Variants in LAMA2 observed in about 807,000 individuals in gnomAD.
LAMA2 encodes laminin subunit alpha-2.
In LAMA2, 269 loss-of-function variants were observed where a neutral mutation model predicts 364.8. That is an observed-to-expected ratio of 0.74 (90% CI 0.67 to 0.82). The LOEUF (loss-of-function observed/expected upper bound fraction) is 0.82, where lower values mean the gene tolerates loss of function less well. Among genes scored for constraint, LAMA2 ranks in the 40% least tolerant of loss-of-function variants. The pLI is 0.00. For synonymous variants in LAMA2, 1,379 were observed against 1,370.6 expected, an observed-to-expected ratio of 1.01 and a Z score of -0.14; for missense variants, 3,807 against 3,873.2, an observed-to-expected ratio of 0.98 and a Z score of 0.45.
chr6:129,381,804 A>AC (rs397771545), intron 34 of LAMA2, among the ~76,000 whole-genome samples: 1 of 151,962 alleles, frequency 6.6e-6, no homozygotes, highest in Non-Finnish European at 1.5e-5. Context: ...ACAGAAAAAA[A>AC]TTTTAATTTT....
intron 12 of LAMA2, among the ~76,000 whole-genome samples, chr6:129,232,240 T>G (rs1784710493): frequency 6.6e-6 from 1 of 152,150 alleles, no homozygotes; most frequent in Non-Finnish European, 1.5e-5. Context: ...GGAGTTTAAC[T>G]CTTACTTTTG....
At chr6:129,306,601 T>G (rs1261639260) in intron 22 of LAMA2, among the ~76,000 whole-genome samples, 1 of 151,750 alleles carries the variant, frequency 6.6e-6, no homozygotes, top group Non-Finnish European at 1.5e-5. Context: ...TTTTTGTATG[T>G]TGGGCCAATT....
rs561119275 is a variant in LAMA2 at position 129,390,223 on chromosome 6, G to A, written c.5072-1268G>A. 7.9e-5 allele frequency among the ~76,000 whole-genome samples: 12 copies of A among 152,222 alleles called. No individual in the cohort carries two copies. The East Asian group carries it at 2.3e-3, about 29-fold the overall frequency. On this transcript the variant is annotated intron_variant, in intron 35 of 64. Coordinates refer to ENST00000421865, the MANE Select transcript of LAMA2 (RefSeq NM_000426.4). ...AGGCTTGTTAAAGCCCAGATTGCTGGTCCTCACCCCCAGAATTTCTGAGTC... is the reference window on the plus strand; with the variant it reads ...AGGCTTGTTAAAGCCCAGATTGCTGATCCTCACCCCCAGAATTTCTGAGTC...
At chr6:129,313,238 G>T in intron 23 of LAMA2, 141 bp downstream of exon 23, 1 of 609,850 alleles carries the variant, frequency 1.6e-6, no homozygotes, top group Non-Finnish European at 2.9e-6. Context: ...GCCAGACATG[G>T]AGTTTTCATT....
intron 40 of LAMA2, among the ~76,000 whole-genome samples, chr6:129,418,055 C>A (rs571836367): frequency 6.6e-6 from 1 of 152,074 alleles, no homozygotes; most frequent in African/African-American, 2.4e-5. Context: ...GTTCCTGGCT[C>A]CCACCAGCTC....
chr6:129,174,385 C>T (rs930010229), intron 9 of LAMA2, among the ~76,000 whole-genome samples: 12 of 151,742 alleles, frequency 7.9e-5, no homozygotes, highest in African/African-American at 2.7e-4. Context: ...ATTTTATTTT[C>T]GGAATCTGTT....
Position 129,438,648 on chromosome 6 carries a change from A to C in LAMA2, c.5971A>C (p.Asn1991His). 1 of 1,537,746 alleles carries C rather than the reference A, an allele frequency of 6.5e-7. No individual in the cohort carries two copies. Among genetic ancestry groups the C allele is most frequent in the South Asian group, 1.1e-5 (1 of 89,576 alleles). The change falls in exon 42 of 65, where the codon AAT (asparagine) becomes CAT (histidine). Residue 1991 changes from asparagine (N) to histidine (H), a missense_variant and splice_region_variant. Physicochemically the swap from Asn to His is moderately conservative, Grantham distance 68. Around this residue, in one of 3 missense-constraint regions of LAMA2, gnomAD observed 3,333 missense variants for 3,345.7 expected, o/e 1.00. Transcript: ENST00000421865. ...TTTTTTTTGTTTTTTATTCGCAGAA[A>C]ATGAAGACCATCTAAATGGCTTAAA... ...AKKLANDVKENEDHLNGLKTR... is the reference protein window; with the variant it reads ...AKKLANDVKEHEDHLNGLKTR...
chr6:128,905,738 C>G (rs1777414296), intron 1 of LAMA2, among the ~76,000 whole-genome samples: 1 of 151,902 alleles, frequency 6.6e-6, no homozygotes, highest in South Asian at 2.1e-4. Flanking sequence ...CACCCACTAA[C>G]TCGTCATCTA....
At chr6:129,422,228 T>C (rs1317381523) in intron 40 of LAMA2, among the ~76,000 whole-genome samples, 1 of 152,010 alleles carries the variant, frequency 6.6e-6, no homozygotes, top group Admixed American at 6.6e-5. Context: ...TCTCCTTTCA[T>C]CTGAGCAAGG....
intron 1 of LAMA2, among the ~76,000 whole-genome samples, chr6:129,036,867 A>G (rs903634581): frequency 3.3e-5 from 5 of 152,172 alleles, no homozygotes; most frequent in African/African-American, 4.8e-5. Context: ...CAGGACAGCT[A>G]TGGTTCAAAT....
intron 41 of LAMA2, among the ~76,000 whole-genome samples, chr6:129,433,805 A>G (rs1015980826): frequency 1.3e-5 from 2 of 152,200 alleles, no homozygotes; most frequent in African/African-American, 2.4e-5. Context: ...GCATTATTAT[A>G]ATAAAAACTG....
intron 44 of LAMA2, among the ~76,000 whole-genome samples, chr6:129,443,736 C>T (rs1302721816): frequency 6.6e-6 from 1 of 152,042 alleles, no homozygotes; most frequent in Non-Finnish European, 1.5e-5. Context: ...TTAAACATCC[C>T]ACAGTTTAAA....
At chr6:129,139,091 A>G (rs1387693985) in intron 4 of LAMA2, among the ~76,000 whole-genome samples, 1 of 152,112 alleles carries the variant, frequency 6.6e-6, no homozygotes, top group East Asian at 1.9e-4. Context: ...CTTTCCCAAG[A>G]GCAGTTTCAG....
At chr6:129,173,349 A>G (rs1470989228) in intron 9 of LAMA2, among the ~76,000 whole-genome samples, 1 of 152,166 alleles carries the variant, frequency 6.6e-6, no homozygotes, top group African/African-American at 2.4e-5. Flanking sequence ...TCCACCATCC[A>G]TACATTTTTA....
intron 42 of LAMA2, among the ~76,000 whole-genome samples, chr6:129,439,224 T>A (rs527451110): frequency 3.3e-5 from 5 of 152,052 alleles, no homozygotes; most frequent in Non-Finnish European, 4.4e-5. Context: ...ATTCTTACAG[T>A]GTATTGTTTA....
In LAMA2 at chr6:129,098,232, G is replaced by A; in HGVS notation, c.456G>A (p.Trp152Ter). Residue 152 changes from tryptophan to a stop codon, truncating the protein, a stop_gained, in exon 4 of 65, where the codon TGG (tryptophan) becomes TGA (stop). Coordinates refer to ENST00000421865, the MANE Select transcript of LAMA2 (RefSeq NM_000426.4). LOFTEE classifies it high-confidence loss of function. Reference protein sequence around the residue: ...KAANSPRPGNWILERSLDDVE... With the variant: ...KAANSPRPGN ...CTAACTCCCCCCGGCCTGGAAACTG[G>A]ATTTTGGAACGCTCTCTTGATGATG... 6.2e-7 allele frequency: 1 copy of A among 1,614,094 alleles called. No homozygotes were observed. The highest frequency in any genetic ancestry group is 8.5e-7 in the Non-Finnish European group (1 of 1,180,002).
At chr6:129,202,512 C>G (rs1007518299) in intron 12 of LAMA2, among the ~76,000 whole-genome samples, 2 of 152,076 alleles carry the variant, frequency 1.3e-5, no homozygotes, top group Non-Finnish European at 2.9e-5. Context: ...AGAGCAAGCC[C>G]TCACCACACA....
chr6:129,064,633 C>T (rs1789171223), intron 3 of LAMA2, among the ~76,000 whole-genome samples: 1 of 152,000 alleles, frequency 6.6e-6, no homozygotes, highest in Non-Finnish European at 1.5e-5. Flanking sequence ...TCATAAGTGA[C>T]TACTCTCAAC....
At chr6:129,171,090 C>T (rs1054435909) in intron 9 of LAMA2, among the ~76,000 whole-genome samples, 19 of 152,118 alleles carry the variant, frequency 1.2e-4, no homozygotes, top group African/African-American at 4.6e-4. Flanking sequence ...GATGGGTTTC[C>T]TGAATACGGA....
Sources: gnomAD v4.1 joint callset for allele counts (sites outside exome capture counted in the v4.1 genomes callset) on GRCh38, gnomAD v4.1.1 for gene constraint, gnomAD v4.1.1 regional missense constraint, MANE v1.5 for transcripts, NCBI Gene and HGNC (gene_info 2026-07-23, HGNC 2026-07-21) for gene names.